Variants in F13A1 observed in about 807,000 individuals in gnomAD.
The protein encoded by F13A1 is coagulation factor XIII A chain.
In F13A1, 47 loss-of-function variants were observed where a neutral mutation model predicts 80.1. That is an observed-to-expected ratio of 0.59 (90% CI 0.46 to 0.75). The LOEUF is 0.75. Among genes scored for constraint, F13A1 ranks in the 30% least tolerant of loss-of-function variants. The pLI is 0.00. For missense variants in F13A1, 817 were observed against 930.4 expected, an observed-to-expected ratio of 0.88 and a Z score of 1.59; for synonymous variants, 349 against 344.9, an observed-to-expected ratio of 1.01 and a Z score of -0.13.
intron 6 of F13A1, among the ~76,000 whole-genome samples, chr6:6,230,529 G>T (rs965978552): frequency 6.6e-6 from 1 of 152,070 alleles, no homozygotes; most frequent in African/African-American, 2.4e-5. Context: ...GAAGACAAAG[G>T]GCATATAATC....
At chr6:6,279,034 A>C (rs1758026038) in intron 3 of F13A1, among the ~76,000 whole-genome samples, 1 of 152,126 alleles carries the variant, frequency 6.6e-6, no homozygotes, top group Admixed American at 6.5e-5. Flanking sequence ...TGAAATGTTT[A>C]TATCCCTGGG....
intron 4 of F13A1, among the ~76,000 whole-genome samples, chr6:6,258,545 A>G (rs1331214849): frequency 6.6e-6 from 1 of 152,164 alleles, no homozygotes; most frequent in Admixed American, 6.5e-5. Flanking sequence ...CTCTTTCTAG[A>G]AACACCTTGT....
At chr6:6,290,901 C>A (rs1309408527) in intron 3 of F13A1, among the ~76,000 whole-genome samples, 1 of 152,158 alleles carries the variant, frequency 6.6e-6, no homozygotes, top group Non-Finnish European at 1.5e-5. Context: ...GTTATCTACA[C>A]GTTACAAGCT....
At chr6:6,190,868 T>C (rs550219930) in intron 10 of F13A1, among the ~76,000 whole-genome samples, 54 of 152,104 alleles carry the variant, frequency 3.6e-4, no homozygotes, top group African/African-American at 9.4e-4. Context: ...GTGCTAGCAA[T>C]CAGCGAGACT....
chr6:6,240,863 T>C (rs1483154395), intron 6 of F13A1, among the ~76,000 whole-genome samples: 1 of 152,206 alleles, frequency 6.6e-6, no homozygotes, highest in African/African-American at 2.4e-5. Context: ...TTTAGAATCA[T>C]AGAAATGACT....
rs141570512 is a variant in F13A1 at position 6,184,320 on chromosome 6, G to A, written c.1306-2179C>T. Among the ~76,000 whole-genome samples, 27 of 152,350 alleles carry A rather than the reference G, an allele frequency of 1.8e-4. No individual in the cohort carries two copies. The East Asian group carries it at 4.8e-3, about 27-fold the overall frequency. ...CCATAACCTGGCCCTTGGCCTTCAC[G>A]GCACACCGCCTTTCCCACACCACCC... On this transcript the variant is annotated intron_variant, in intron 10 of 14. Coordinates refer to ENST00000264870, the MANE Select transcript of F13A1 (RefSeq NM_000129.4).
chr6:6,216,260 T>C (rs1164789852), intron 8 of F13A1, among the ~76,000 whole-genome samples: 1 of 151,914 alleles, frequency 6.6e-6, no homozygotes, highest in Non-Finnish European at 1.5e-5. Flanking sequence ...GGCATCACAC[T>C]ACCTGACTTC....
At position 6,145,499 on chromosome 6, in the gene F13A1, C is replaced by G. The variant is rs1760260728; in HGVS notation, c.*120G>C. On this transcript the variant is annotated 3_prime_UTR_variant, in exon 15 of 15. Transcript: ENST00000264870. ...TGTGGGATCTCCACTCTGGAGCCCTCTGCAGTCCTGTCTGGGTCTTCACAC... is the reference window on the plus strand; with the variant it reads ...TGTGGGATCTCCACTCTGGAGCCCTGTGCAGTCCTGTCTGGGTCTTCACAC... 2.3e-6 allele frequency: 3 copies of G among 1,287,312 alleles called. No homozygotes were observed. In the East Asian group the frequency reaches 7.0e-5, roughly 30 times the overall value. 79.7% of individuals were successfully genotyped at this position (1,287,312 alleles called of 1,614,324 possible).
At chr6:6,191,386 T>C (rs1018353032) in intron 10 of F13A1, among the ~76,000 whole-genome samples, 2 of 152,238 alleles carry the variant, frequency 1.3e-5, no homozygotes, top group African/African-American at 4.8e-5. Flanking sequence ...CCCCTTTTTC[T>C]ATCCCTACAC....
In F13A1 at chr6:6,145,460, A is replaced by G; in HGVS notation, c.*159T>C. 4 of 891,156 alleles carry G rather than the reference A, an allele frequency of 4.5e-6. No individual in the cohort carries two copies. Among genetic ancestry groups the G allele is most frequent in the Non-Finnish European group, 7.2e-6 (4 of 553,834 alleles). 55.2% of individuals were successfully genotyped at this position (891,156 alleles called of 1,614,324 possible). A position where few individuals can be genotyped will look rare whatever the true frequency, so the allele number is the denominator to read the frequency against. The stretch of plus-strand genomic sequence containing the variant: ...CCGAATAGCCTGGGTTTGGAAAAGC[A>G]TGTTTTTGAAATATGTGGGATCTCC... On this transcript the variant is annotated 3_prime_UTR_variant, in exon 15 of 15. Transcript: ENST00000264870.
Position 6,182,732 on chromosome 6 carries a change from T to G in F13A1, c.1306-591A>C, listed in dbSNP as rs796781241. ...ATGAGAAGGTGGCAGAGTAGAAAGC[T>G]GAGAGGCGTTTGGGGATTTGGGGGC... On this transcript the variant is annotated intron_variant, in intron 10 of 14. Transcript: ENST00000264870. 4.1e-4 allele frequency among the ~76,000 whole-genome samples: 62 copies of G among 152,254 alleles called. 1 individual carries two copies. The highest frequency in any genetic ancestry group is 1.5e-3 in the African/African-American group (62 of 41,548).
At chr6:6,167,016 G>T (rs1422926432) in intron 13 of F13A1, among the ~76,000 whole-genome samples, 1 of 152,188 alleles carries the variant, frequency 6.6e-6, no homozygotes, top group Non-Finnish European at 1.5e-5. Context: ...ATTTTGATCT[G>T]TGCAATCTAC....
intron 6 of F13A1, among the ~76,000 whole-genome samples, chr6:6,225,757 C>A (rs1757268531): frequency 1.3e-5 from 2 of 152,172 alleles, no homozygotes; most frequent in African/African-American, 4.8e-5. Context: ...CCTGCCTCAG[C>A]CTTCCAAAGA....
chr6:6,209,841 A>G (rs892402139), intron 8 of F13A1, among the ~76,000 whole-genome samples: 1 of 152,194 alleles, frequency 6.6e-6, no homozygotes, highest in East Asian at 1.9e-4. Flanking sequence ...CCAGAGTTGG[A>G]GAAATGGGGA....
intron 12 of F13A1, among the ~76,000 whole-genome samples, chr6:6,168,750 G>A (rs1760719825): frequency 6.6e-6 from 1 of 152,234 alleles, no homozygotes; most frequent in Non-Finnish European, 1.5e-5. Context: ...CTGCTGTACT[G>A]AACAGCAGTT....
chr6:6,302,238 A>G, intron 3 of F13A1, among the ~76,000 whole-genome samples: 1 of 151,844 alleles, frequency 6.6e-6, no homozygotes, highest in African/African-American at 2.4e-5. Context: ...TTCCCTCATA[A>G]TTGCAGCAGA....
rs556851295 is a variant in F13A1 at position 6,318,632 on chromosome 6, G to A, written c.33C>T (p.Gly11=). 14 of 1,612,160 alleles carry A rather than the reference G, an allele frequency of 8.7e-6. 1 individual carries two copies. In the East Asian group the frequency reaches 1.8e-4, roughly 21 times the overall value. The change falls in exon 2 of 15, where the codon GGC becomes GGT. Residue 11 remains glycine, a synonymous_variant. Transcript: ENST00000264870. MSETSRTAFG[G]RRAVPPNNSN... The stretch of plus-strand genomic sequence containing the variant: ...AGTTATTGGGTGGAACTGCTCTTCT[G>A]CCTCCAAAGGCGGTCCTGGAAGTTT...
At chr6:6,313,467 G>C (rs1742944) in intron 2 of F13A1, among the ~76,000 whole-genome samples, 110,745 of 151,476 alleles carry the variant, frequency 0.73, 40,847 homozygotes, top group East Asian at 0.86. Flanking sequence ...CCTACTTTTT[G>C]TCTAATATGA....
chr6:6,210,347 A>ATTTC (rs1761583912), intron 8 of F13A1, among the ~76,000 whole-genome samples: 1 of 134,326 alleles, frequency 7.4e-6, no homozygotes, highest in African/African-American at 2.9e-5. Flanking sequence ...ATATATATAT[A>ATTTC]TTTCTTTTTT....
Sources: gnomAD v4.1 joint callset for allele counts (sites outside exome capture counted in the v4.1 genomes callset) on GRCh38, gnomAD v4.1.1 for gene constraint, MANE v1.5 for transcripts, NCBI Gene and HGNC (gene_info 2026-07-23, HGNC 2026-07-21) for gene names.